CERS6: variants seen among roughly 807,000 people sequenced by gnomAD.
CERS6 encodes LAG1 homolog, ceramide synthase 6.
Under a neutral mutation model 56.8 loss-of-function variants are expected in CERS6, and 26 were observed. The observed-to-expected ratio is 0.46, with a 90% CI of 0.34 to 0.63. The LOEUF (loss-of-function observed/expected upper bound fraction) is 0.63. CERS6 is among the 30% of genes least tolerant of loss of function. The pLI, the probability that CERS6 is intolerant of heterozygous loss-of-function variation, is 0.01. For missense variants in CERS6, 415 were observed against 467.5 expected (o/e 0.89, Z 1.04); for synonymous variants, 164 against 173.3 (o/e 0.95, Z 0.42).
chr2:168,758,426 G>A (rs940842453), intron 8 of CERS6, among the ~76,000 whole-genome samples: 1 of 152,206 alleles, frequency 6.6e-6, no homozygotes, highest in Non-Finnish European at 1.5e-5. Context: ...AATTATTATT[G>A]TGGGTTTTTT....
rs1293875248 is a variant in CERS6 at position 168,631,837 on chromosome 2, TTA to T, written c.465+800_465+801del. On this transcript the variant is annotated intron_variant, in intron 4 of 9. Transcript: ENST00000305747. ...TTTATTATATATTATATAATATATA[TTA>T]TATAATATATATTATATATTATACA... Among the ~76,000 whole-genome samples, 11 of 129,048 alleles carry T rather than the reference TTA, an allele frequency of 8.5e-5. No individual in the cohort carries two copies. In the East Asian group the frequency reaches 3.1e-3, roughly 37 times the overall value. 84.7% of individuals were successfully genotyped at this position (129,048 alleles called of 152,430 possible).
intron 6 of CERS6, among the ~76,000 whole-genome samples, chr2:168,700,359 G>T (rs145847017): frequency 2.6e-5 from 4 of 152,102 alleles, no homozygotes; most frequent in Admixed American, 2.6e-4. Context: ...ACAGAATTAC[G>T]TAAAATAATG....
chr2:168,760,841 C>T (rs1390995951), intron 8 of CERS6, among the ~76,000 whole-genome samples: 2 of 151,958 alleles, frequency 1.3e-5, no homozygotes, highest in Non-Finnish European at 2.9e-5. Flanking sequence ...CTGCAAGCTC[C>T]GCCTCCCGGG....
At chr2:168,607,882 C>G (rs1684091083) in intron 3 of CERS6, among the ~76,000 whole-genome samples, 1 of 152,330 alleles carries the variant, frequency 6.6e-6, no homozygotes, top group South Asian at 2.1e-4. Context: ...CGGAATGGAA[C>G]ATTACCTCAG....
intron 3 of CERS6, among the ~76,000 whole-genome samples, chr2:168,566,047 G>A (rs946266837): frequency 3.3e-5 from 5 of 152,174 alleles, no homozygotes; most frequent in African/African-American, 1.2e-4. Flanking sequence ...TTTGCTGGAT[G>A]TAACAGAAGA....
rs561063062 is a variant in CERS6 at position 168,621,602 on chromosome 2, C to T, written c.408-9383C>T. ...CTAGGGCTGATGTTGGGAAGACTAA[C>T]GGGAAGGGACAGATACCATTGGTGC... On this transcript the variant is annotated intron_variant, in intron 3 of 9. Transcript: ENST00000305747. Among the ~76,000 whole-genome samples the T allele has an allele frequency of 2.0e-5, 3 of 152,188 alleles. No individual in the cohort carries two copies. The East Asian group carries it at 5.8e-4, about 29-fold the overall frequency.
chr2:168,708,671 C>T (rs1343704969), intron 6 of CERS6, among the ~76,000 whole-genome samples: 3 of 152,114 alleles, frequency 2.0e-5, no homozygotes, highest in Non-Finnish European at 4.4e-5. Context: ...TAATATGCGT[C>T]ATTTGCATCG....
At chr2:168,602,870 G>A (rs1683968273) in intron 3 of CERS6, among the ~76,000 whole-genome samples, 1 of 152,206 alleles carries the variant, frequency 6.6e-6, no homozygotes, top group African/African-American at 2.4e-5. Context: ...ACAGGTTCCT[G>A]TAGTGCCATC....
rs115750358 is a variant in CERS6, at chr2:168,591,876, C to A, written c.407+30554C>A. Among the ~76,000 whole-genome samples the A allele has an allele frequency of 6.4e-3, 978 of 152,252 alleles. 7 individuals are homozygous for A. Among genetic ancestry groups the A allele is most frequent in the African/African-American group, 0.022 (896 of 41,546 alleles). On this transcript the variant is annotated intron_variant, in intron 3 of 9. Coordinates refer to ENST00000305747, the MANE Select transcript of CERS6 (RefSeq NM_203463.3). ...GACTGTGGAGGGAGAAGTACAATCC[C>A]TTTCTAATGGAATAGAGTGAATCTC...
intron 8 of CERS6, among the ~76,000 whole-genome samples, chr2:168,748,790 A>G (rs923098357): frequency 3.7e-5 from 5 of 133,936 alleles, no homozygotes; most frequent in African/African-American, 1.4e-4. Context: ...TTGTCTTTTT[A>G]TTAGTATAAC....
rs111508999 is a variant in CERS6 at position 168,611,043 on chromosome 2, A to G, written c.408-19942A>G. On this transcript the variant is annotated intron_variant, in intron 3 of 9. Transcript: ENST00000305747. Reference sequence around the variant, plus strand: ...AGGCTGGTCTCGAACTCCTGACCTCAGGTGATATGCCCACCTCAGCCTCTC... The same window carrying G: ...AGGCTGGTCTCGAACTCCTGACCTCGGGTGATATGCCCACCTCAGCCTCTC... Among the ~76,000 whole-genome samples the G allele has an allele frequency of 1.3e-3, 203 of 152,304 alleles. 4 individuals carry two copies. Among genetic ancestry groups the G allele is most frequent in the African/African-American group, 4.8e-3 (199 of 41,562 alleles).
chr2:168,576,789 G>A (rs1683281655), intron 3 of CERS6, among the ~76,000 whole-genome samples: 1 of 152,126 alleles, frequency 6.6e-6, no homozygotes, highest in Non-Finnish European at 1.5e-5. Flanking sequence ...TGTTTGAGTG[G>A]AGGCCTCAGA....
chr2:168,568,531 A>G (rs4668076), intron 3 of CERS6, among the ~76,000 whole-genome samples: 125,495 of 152,198 alleles, frequency 0.82, 52,390 homozygotes, highest in South Asian at 0.95. Flanking sequence ...ACTTCAAAGC[A>G]TACCATCCAG....
intron 6 of CERS6, among the ~76,000 whole-genome samples, chr2:168,704,911 T>C (rs1487206535): frequency 6.6e-6 from 1 of 152,246 alleles, no homozygotes; most frequent in East Asian, 1.9e-4. Context: ...CCTTTGTTCT[T>C]GATCCCCATC....
intron 3 of CERS6, among the ~76,000 whole-genome samples, chr2:168,571,364 A>G (rs543060965): frequency 1.3e-5 from 2 of 151,988 alleles, no homozygotes; most frequent in Non-Finnish European, 2.9e-5. Flanking sequence ...TAATTTGTCT[A>G]TTTGTCCTGA....
At chr2:168,720,497 C>T (rs1213843978) in intron 8 of CERS6, among the ~76,000 whole-genome samples, 1 of 152,088 alleles carries the variant, frequency 6.6e-6, no homozygotes, top group Non-Finnish European at 1.5e-5. Flanking sequence ...CTTAAGTCTG[C>T]TGTTTGCTGC....
At chr2:168,488,604 G>A (rs1044605562) in intron 1 of CERS6, among the ~76,000 whole-genome samples, 10 of 151,946 alleles carry the variant, frequency 6.6e-5, no homozygotes, top group Non-Finnish European at 2.9e-5. Context: ...TGTTTTCCGT[G>A]TATTCCCTCA....
intron 3 of CERS6, among the ~76,000 whole-genome samples, chr2:168,625,636 A>G (rs2105289948): frequency 6.6e-6 from 1 of 152,312 alleles, no homozygotes; most frequent in Admixed American, 6.5e-5. Context: ...GAGGTAAAGA[A>G]CAAGTCAGAA....
At chr2:168,457,686 C>T (rs1693698773) in intron 1 of CERS6, among the ~76,000 whole-genome samples, 1 of 152,174 alleles carries the variant, frequency 6.6e-6, no homozygotes, top group Admixed American at 6.5e-5. Context: ...CCTTTCTTCC[C>T]CGCCTTCAAC....
Sources: gnomAD v4.1 joint callset for allele counts (sites outside exome capture counted in the v4.1 genomes callset) on GRCh38, gnomAD v4.1.1 for gene constraint, MANE v1.5 for transcripts, NCBI Gene and HGNC (gene_info 2026-07-23, HGNC 2026-07-21) for gene names.